STAT1: variants seen among roughly 807,000 people sequenced by gnomAD.
The protein encoded by STAT1 is signal transducer and activator of transcription 1.
STAT1 carries 24 observed loss-of-function variants against 111.7 expected under a neutral mutation model. That is an observed-to-expected ratio of 0.21 (90% CI 0.16 to 0.30). STAT1 has a LOEUF of 0.30. Ranked by LOEUF, STAT1 falls within the 10% of genes least tolerant of loss-of-function variation. STAT1 has a pLI of 1.00. For synonymous variants in STAT1, 332 were observed against 326.5 expected, an observed-to-expected ratio of 1.02 and a Z score of -0.18; for missense variants, 351 against 911.9, an observed-to-expected ratio of 0.38 and a Z score of 7.92.
Position 190,970,804 on chromosome 2 carries a change from G to T in STAT1, c.2239-87C>A. On this transcript the variant is annotated intron_variant, in intron 24 of 24. Transcript: ENST00000361099. This position sits in a 1 kb window ranked among gnomAD's most constrained non-coding sequence, Gnocchi z 5.4. ...CATTAAACATTGCTTGTCTATTCTAGAATGAAGTAGTAGGAAGATACTTGC... is the reference window on the plus strand; with the variant it reads ...CATTAAACATTGCTTGTCTATTCTATAATGAAGTAGTAGGAAGATACTTGC... 7.7e-7 allele frequency: 1 copy of T among 1,295,696 alleles called. No individual in the cohort carries two copies. Among genetic ancestry groups the T allele is most frequent in the Non-Finnish European group, 1.1e-6 (1 of 895,664 alleles). 80.3% of individuals were successfully genotyped at this position (1,295,696 alleles called of 1,614,324 possible). A position where few individuals can be genotyped will look rare whatever the true frequency, so the allele number is the denominator to read the frequency against.
In STAT1 at chr2:190,984,024, G is replaced by A. The variant is rs959280587; in HGVS notation, c.1348-284C>T. 1.3e-5 allele frequency among the ~76,000 whole-genome samples: 2 copies of A among 151,858 alleles called. No individual in the cohort carries two copies. The highest frequency in any genetic ancestry group is 2.9e-5 in the Non-Finnish European group (2 of 68,002). ...CTGTCACAATGAAAACATAAAATGT[G>A]GGGGGAGGGCAGAGCAAAATAAATA... On this transcript the variant is annotated intron_variant, in intron 16 of 24. Transcript: ENST00000361099. The surrounding 1 kb of genome is among the most constrained non-coding windows in gnomAD (Gnocchi z 5.2).
At position 190,978,849 on chromosome 2, in the gene STAT1, C is replaced by T. The variant is rs767740977; in HGVS notation, c.1873+7G>A. 2.5e-6 allele frequency: 4 copies of T among 1,613,666 alleles called. No homozygotes were observed. The highest frequency in any genetic ancestry group is 3.4e-6 in the Non-Finnish European group (4 of 1,179,926). ...TGGTGGGACTATGTGCTCAAACTCC[C>T]ACTCACCGCCTCCGTTCTGGGACCG... On this transcript the variant is annotated splice_region_variant and intron_variant, in intron 21 of 24. Coordinates refer to ENST00000361099, the MANE Select transcript of STAT1 (RefSeq NM_007315.4). This position sits in a 1 kb window ranked among gnomAD's most constrained non-coding sequence, Gnocchi z 6.1.
Position 190,978,743 on chromosome 2 carries a change from A to T in STAT1, c.1873+113T>A. ...CGGGGGCTCATTTGGGGTAAGTATAAGATCTGCAATTTCATGTCCCAAACG... is the reference window on the plus strand; with the variant it reads ...CGGGGGCTCATTTGGGGTAAGTATATGATCTGCAATTTCATGTCCCAAACG... On this transcript the variant is annotated intron_variant, in intron 21 of 24. Transcript: ENST00000361099. The surrounding 1 kb of genome is among the most constrained non-coding windows in gnomAD (Gnocchi z 6.1). The T allele has an allele frequency of 7.1e-7, 1 of 1,402,112 alleles. No homozygotes were observed. Among genetic ancestry groups the T allele is most frequent in the Admixed American group, 2.0e-5 (1 of 50,968 alleles). The allele number at this position is 1,402,112 out of a possible 1,614,324, so 86.9% of individuals were successfully genotyped here.
chr2:190,977,067 A>C lies in STAT1; in HGVS notation c.1874-42T>G. 6.3e-7 allele frequency: 1 copy of C among 1,593,974 alleles called. No individual in the cohort carries two copies. ...CTAAGTAAATCCCATAGAACATCCC[A>C]AAATGAAAGAGGACAGAGAAATAAA... On this transcript the variant is annotated intron_variant, in intron 21 of 24. Coordinates refer to ENST00000361099, the MANE Select transcript of STAT1 (RefSeq NM_007315.4). The surrounding 1 kb of genome is among the most constrained non-coding windows in gnomAD (Gnocchi z 4.7).
At position 190,982,483 on chromosome 2, in the gene STAT1, T is replaced by A. The variant is rs757198467; in HGVS notation, c.1482A>T (p.Arg494=). The change falls in exon 18 of 25, where the codon CGA becomes CGT. Residue 494 remains arginine (R), a synonymous_variant. Transcript: ENST00000361099. The surrounding 1 kb of genome is among the most constrained non-coding windows in gnomAD (Gnocchi z 7.3). ...TCAGCACTTCTGAAAGCTGAGCCCATCGTGCACATGGTGGAGTCAGGAAGA... is the reference window on the plus strand; with the variant it reads ...TCAGCACTTCTGAAAGCTGAGCCCAACGTGCACATGGTGGAGTCAGGAAGA... ...LSFFLTPPCA[R]WAQLSEVLSW... is the part of the protein sequence containing the mutation. 6.2e-7 allele frequency: 1 copy of A among 1,614,164 alleles called. No individual in the cohort carries two copies. Among genetic ancestry groups the A allele is most frequent in the South Asian group, 1.1e-5 (1 of 91,082 alleles).
Position 191,001,024 on chromosome 2 carries a change from T to C in STAT1, c.462+50A>G, listed in dbSNP as rs548633089. 5.3e-5 allele frequency: 77 copies of C among 1,449,094 alleles called. No homozygotes were observed. The African/African-American group carries it at 8.6e-4, about 16-fold the overall frequency. 89.8% of individuals were successfully genotyped at this position (1,449,094 alleles called of 1,614,324 possible). A position where few individuals can be genotyped will look rare whatever the true frequency, so the allele number is the denominator to read the frequency against. On this transcript the variant is annotated intron_variant, in intron 6 of 24. Coordinates refer to ENST00000361099, the MANE Select transcript of STAT1 (RefSeq NM_007315.4). Reference sequence around the variant, plus strand: ...CACCCCAAGCAATTGAAACCTTTTTTCCCCTACAGAAAGTTTCAGAATAAA... The same window carrying C: ...CACCCCAAGCAATTGAAACCTTTTTCCCCCTACAGAAAGTTTCAGAATAAA...
At chr2:191,010,125 C>A in intron 2 of STAT1, 121 bp from the exon 3 acceptor site, 1 of 1,201,684 alleles carries the variant, frequency 8.3e-7, no homozygotes, top group Admixed American at 2.2e-5. Context: ...ATAGTTTGTC[C>A]CAGGAATATT....
chr2:190,987,189 C>T lies in STAT1; in HGVS notation c.1098-121G>A. The T allele has an allele frequency of 1.3e-6, 1 of 792,384 alleles. No homozygotes were observed. Among genetic ancestry groups the T allele is most frequent in the Admixed American group, 2.3e-5 (1 of 44,198 alleles). 49.1% of individuals were successfully genotyped at this position (792,384 alleles called of 1,614,324 possible). A position where few individuals can be genotyped will look rare whatever the true frequency, so the allele number is the denominator to read the frequency against. ...GAATGATGAATAAAAAATAAATCTACACCTATGGATTTGCAGCCTTTCATT... is the reference window on the plus strand; with the variant it reads ...GAATGATGAATAAAAAATAAATCTATACCTATGGATTTGCAGCCTTTCATT... On this transcript the variant is annotated intron_variant, in intron 12 of 24. Coordinates refer to ENST00000361099, the MANE Select transcript of STAT1 (RefSeq NM_007315.4). The surrounding 1 kb of genome is among the most constrained non-coding windows in gnomAD (Gnocchi z 4.0).
At position 190,971,674 on chromosome 2, in the gene STAT1, G is replaced by A. The variant is rs1402093755; in HGVS notation, c.2239-957C>T. Among the ~76,000 whole-genome samples the A allele has an allele frequency of 6.6e-6, 1 of 150,568 alleles. No homozygotes were observed. ...AGCACAGTGAAAGTGTTGCCCCTAT[G>A]TTTCAGTCTAGCTTATGTTTCTCTT... On this transcript the variant is annotated intron_variant, in intron 24 of 24. Coordinates refer to ENST00000361099, the MANE Select transcript of STAT1 (RefSeq NM_007315.4). This position sits in a 1 kb window ranked among gnomAD's most constrained non-coding sequence, Gnocchi z 4.1.
At position 190,982,316 on chromosome 2, in the gene STAT1, G is replaced by C. The variant is rs1692452571; in HGVS notation, c.1582+67C>G. ...TTTAACAAAATAGCAGAGGGGAAAAGAGCAATTAGAGAGATATTTTTATGA... is the reference window on the plus strand; with the variant it reads ...TTTAACAAAATAGCAGAGGGGAAAACAGCAATTAGAGAGATATTTTTATGA... On this transcript the variant is annotated intron_variant, in intron 18 of 24. Transcript: ENST00000361099. The surrounding 1 kb of genome is among the most constrained non-coding windows in gnomAD (Gnocchi z 7.3). The C allele has an allele frequency of 1.0e-5, 16 of 1,580,136 alleles. No homozygotes were observed. The Middle Eastern group carries it at 6.7e-4, about 67-fold the overall frequency.
rs112292924 is a variant in STAT1 at position 191,012,416 on chromosome 2, T to TA, written c.-2+1108dup. Among the ~76,000 whole-genome samples the TA allele has an allele frequency of 0.32, 45,332 of 143,714 alleles. 7,733 individuals are homozygous for TA. Among genetic ancestry groups the TA allele is most frequent in the African/African-American group, 0.47 (18,616 of 39,366 alleles). 94.3% of individuals were successfully genotyped at this position (143,714 alleles called of 152,430 possible). ...GGGAGACAGAGAGAGACTCTGTCTCTAAAAAAAAAAAACAATGAATAAATA... is the reference window on the plus strand; with the variant it reads ...GGGAGACAGAGAGAGACTCTGTCTCTAAAAAAAAAAAAACAATGAATAAATA... On this transcript the variant is annotated intron_variant, in intron 2 of 24. Coordinates refer to ENST00000361099, the MANE Select transcript of STAT1 (RefSeq NM_007315.4). This position sits in a 1 kb window ranked among gnomAD's most constrained non-coding sequence, Gnocchi z 4.0.
Position 190,970,579 on chromosome 2 carries a change from A to G in STAT1, c.*124T>C. ...AATTCACTTGCTATCAACAGGTTGC[A>G]GCGAATTTGCTGGCCTTTCTTTCAT... On this transcript the variant is annotated 3_prime_UTR_variant, in exon 25 of 25. Coordinates refer to ENST00000361099, the MANE Select transcript of STAT1 (RefSeq NM_007315.4). This position sits in a 1 kb window ranked among gnomAD's most constrained non-coding sequence, Gnocchi z 5.4. 9.3e-7 allele frequency: 1 copy of G among 1,077,186 alleles called. No individual in the cohort carries two copies. Among genetic ancestry groups the G allele is most frequent in the East Asian group, 2.4e-5 (1 of 40,868 alleles). The allele number at this position is 1,077,186 out of a possible 1,614,324, so 66.7% of individuals were successfully genotyped here.
rs1414929637 is a variant in STAT1, at chr2:190,977,587, A to T, written c.1874-562T>A. ...GTTCTTATTCCCAGACTGAATTCAG[A>T]TCCTTCTTCCTAGCTGATACAGAAT... On this transcript the variant is annotated intron_variant, in intron 21 of 24. Coordinates refer to ENST00000361099, the MANE Select transcript of STAT1 (RefSeq NM_007315.4). The surrounding 1 kb of genome is among the most constrained non-coding windows in gnomAD (Gnocchi z 4.7). Among the ~76,000 whole-genome samples the T allele has an allele frequency of 6.6e-6, 1 of 152,184 alleles. No homozygotes were observed. Among genetic ancestry groups the T allele is most frequent in the Non-Finnish European group, 1.5e-5 (1 of 68,028 alleles).
In STAT1 at chr2:190,977,166, T is replaced by C. The variant is rs907218764; in HGVS notation, c.1874-141A>G. ...AATCTAAGCATTATAACATATACAG[T>C]AGACTGCTTTATTTCTAAATAAATT... On this transcript the variant is annotated intron_variant, in intron 21 of 24. Coordinates refer to ENST00000361099, the MANE Select transcript of STAT1 (RefSeq NM_007315.4). This position sits in a 1 kb window ranked among gnomAD's most constrained non-coding sequence, Gnocchi z 4.7. 2.7e-6 allele frequency: 2 copies of C among 753,632 alleles called. No individual in the cohort carries two copies. The highest frequency in any genetic ancestry group is 2.2e-5 in the Admixed American group (1 of 45,114). 46.7% of individuals were successfully genotyped at this position (753,632 alleles called of 1,614,324 possible).
Position 190,970,407 on chromosome 2 carries a change from A to G in STAT1, c.*296T>C. 4.2e-6 allele frequency: 2 copies of G among 481,898 alleles called. No homozygotes were observed. Among genetic ancestry groups the G allele is most frequent in the Non-Finnish European group, 7.6e-6 (2 of 262,880 alleles). The allele number at this position is 481,898 out of a possible 1,614,324, so 29.9% of individuals were successfully genotyped here. On this transcript the variant is annotated 3_prime_UTR_variant, in exon 25 of 25. Transcript: ENST00000361099. The surrounding 1 kb of genome is among the most constrained non-coding windows in gnomAD (Gnocchi z 5.4). ...TGTTGCTTAACTTCTCCTTTCCCAAAGGACCCTCATTCTCGTCCTGATACT... is the reference window on the plus strand; with the variant it reads ...TGTTGCTTAACTTCTCCTTTCCCAAGGGACCCTCATTCTCGTCCTGATACT...
rs1191892233 is a variant in STAT1 at position 190,998,990 on chromosome 2, T to C, written c.541+636A>G. Among the ~76,000 whole-genome samples the C allele has an allele frequency of 6.6e-6, 1 of 152,134 alleles. No individual in the cohort carries two copies. Among genetic ancestry groups the C allele is most frequent in the Non-Finnish European group, 1.5e-5 (1 of 68,034 alleles). On this transcript the variant is annotated intron_variant, in intron 7 of 24. Coordinates refer to ENST00000361099, the MANE Select transcript of STAT1 (RefSeq NM_007315.4). The surrounding 1 kb of genome is among the most constrained non-coding windows in gnomAD (Gnocchi z 4.1). ...ACTGATAATCTCTGCCTATGAACCATGGTATACCCCAGATGATGAATAGAG... is the reference window on the plus strand; with the variant it reads ...ACTGATAATCTCTGCCTATGAACCACGGTATACCCCAGATGATGAATAGAG...
chr2:190,998,332 A>G lies in STAT1; in HGVS notation c.542-24T>C, dbSNP rs763026416. 1.9e-6 allele frequency: 3 copies of G among 1,570,190 alleles called. No individual in the cohort carries two copies. Among genetic ancestry groups the G allele is most frequent in the Non-Finnish European group, 2.6e-6 (3 of 1,141,104 alleles). On this transcript the variant is annotated intron_variant, in intron 7 of 24. Transcript: ENST00000361099. This position sits in a 1 kb window ranked among gnomAD's most constrained non-coding sequence, Gnocchi z 4.1. ...TTCTATAAATTGAGAGACAGCCAGTAAATATATAAAGAAGACAAAACCAAC... is the reference window on the plus strand; with the variant it reads ...TTCTATAAATTGAGAGACAGCCAGTGAATATATAAAGAAGACAAAACCAAC...
intron 5 of STAT1, among the ~76,000 whole-genome samples, chr2:191,005,026 T>C (rs926082762): frequency 6.6e-6 from 1 of 152,250 alleles, no homozygotes; most frequent in African/African-American, 2.4e-5. Context: ...TATAGCATAA[T>C]ATTCTCTTAA....
chr2:190,972,576 G>C (rs1006883973), intron 24 of STAT1, among the ~76,000 whole-genome samples: 1 of 152,168 alleles, frequency 6.6e-6, no homozygotes, highest in African/African-American at 2.4e-5. Context: ...TTCTGTTTCA[G>C]AGTATACACT....
Sources: gnomAD v4.1 joint callset for allele counts (sites outside exome capture counted in the v4.1 genomes callset) on GRCh38, gnomAD v4.1.1 for gene constraint, Gnocchi (gnomAD v3.1) non-coding constraint, MANE v1.5 for transcripts, NCBI Gene and HGNC (gene_info 2026-07-23, HGNC 2026-07-21) for gene names.